Variants in SLC52A1 observed in about 807,000 individuals in gnomAD.
SLC52A1 encodes the protein solute carrier family 52 member 1.
A neutral mutation model predicts 23.2 loss-of-function variants in SLC52A1; 20 were observed. The ratio of observed to expected loss-of-function variants is 0.86; its 90% CI spans 0.61 to 1.25. SLC52A1 has a LOEUF of 1.25. Among genes scored for constraint, SLC52A1 ranks in the 50% most tolerant of loss-of-function variants. The pLI is 0.00. For synonymous variants in SLC52A1, 260 were observed against 256.6 expected, an observed-to-expected ratio of 1.01 and a Z score of -0.13; for missense variants, 528 against 557.0, an observed-to-expected ratio of 0.95 and a Z score of 0.52.
intron 1 of SLC52A1, among the ~76,000 whole-genome samples, chr17:5,041,667 C>T (rs928019392): frequency 6.6e-6 from 1 of 152,022 alleles, no homozygotes; most frequent in East Asian, 1.9e-4. Context: ...TTAGTAAAGA[C>T]AAGATTTTAT....
Position 5,032,946 on chromosome 17 carries a change from C to T in SLC52A1, c.*11G>A, listed in dbSNP as rs1290746710. ...CAGGTGGGGTGGAGTTGGGTCCCCA[C>T]CTGCCCAGGCTCAGGGGCCACAGGG... On this transcript the variant is annotated 3_prime_UTR_variant, in exon 5 of 5. Coordinates refer to ENST00000254853, the MANE Select transcript of SLC52A1 (RefSeq NM_017986.4). 1.2e-6 allele frequency: 2 copies of T among 1,607,504 alleles called. No individual in the cohort carries two copies. The highest frequency in any genetic ancestry group is 1.1e-5 in the South Asian group (1 of 90,990).
At chr17:5,037,826 T>C (rs1324615614), upstream of SLC52A1, among the ~76,000 whole-genome samples, 1 of 152,164 alleles carries the variant, frequency 6.6e-6, no homozygotes, top group African/African-American at 2.4e-5. Context: ...CAAATTGTTG[T>C]TGAATAAATA....
At chr17:5,041,277 C>CTTAT (rs748282923) in intron 1 of SLC52A1, among the ~76,000 whole-genome samples, 60 of 151,830 alleles carry the variant, frequency 4.0e-4, no homozygotes, top group East Asian at 2.7e-3. Flanking sequence ...TTTATTTTTA[C>CTTAT]TTATTTATTT....
chr17:5,035,608 G>C (rs1383583122), upstream of SLC52A1, among the ~76,000 whole-genome samples: 1 of 152,216 alleles, frequency 6.6e-6, no homozygotes, highest in African/African-American at 2.4e-5. Flanking sequence ...AGCGGCTGGC[G>C]GTCTGCCTGA....
Position 5,034,342 on chromosome 17 carries a change from T to A in SLC52A1, c.147A>T (p.Ser49=). 2 of 1,582,686 alleles carry A rather than the reference T, an allele frequency of 1.3e-6. No individual in the cohort carries two copies. Among genetic ancestry groups the A allele is most frequent in the African/African-American group, 2.7e-5 (2 of 73,992 alleles). Residue 49 remains serine, a synonymous_variant, in exon 3 of 5, where the codon TCA becomes TCT. Coordinates refer to ENST00000254853, the MANE Select transcript of SLC52A1 (RefSeq NM_017986.4). ...CCAGCGCCACAACCACAGAGAGGTA[T>A]GAGGGGAGGCTCCAACCTGCAGGGA... ...KDLPEGWSLP[S]YLSVVVALGN... is the part of the protein sequence containing the mutation.
chr17:5,040,339 A>G (rs1975528770), upstream of SLC52A1, among the ~76,000 whole-genome samples: 1 of 151,974 alleles, frequency 6.6e-6, no homozygotes, highest in Non-Finnish European at 1.5e-5. Context: ...ACACCTGGCT[A>G]ATTTTTAAAT....
chr17:5,040,378 T>TA, upstream of SLC52A1, among the ~76,000 whole-genome samples: 1 of 152,124 alleles, frequency 6.6e-6, no homozygotes, highest in Non-Finnish European at 1.5e-5. Flanking sequence ...CTTGCTCTGC[T>TA]GCATAGGCTG....
At chr17:5,036,146 C>T (rs1975451583), upstream of SLC52A1, among the ~76,000 whole-genome samples, 1 of 148,226 alleles carries the variant, frequency 6.7e-6, no homozygotes, top group African/African-American at 2.5e-5. Context: ...ATTCTCCTGC[C>T]TCAGCCTCCC....
At chr17:5,040,766 A>C (rs1975533520) in intron 1 of SLC52A1, among the ~76,000 whole-genome samples, 1 of 151,740 alleles carries the variant, frequency 6.6e-6, no homozygotes, top group African/African-American at 2.4e-5. Context: ...AGTTCACCAT[A>C]AACCTATCAT....
chr17:5,037,896 T>G (rs1688460420), upstream of SLC52A1, among the ~76,000 whole-genome samples: 1 of 131,574 alleles, frequency 7.6e-6, no homozygotes, highest in Admixed American at 8.1e-5. Context: ...TAAAATCTGT[T>G]TCTTTCTTTC....
chr17:5,036,524 G>T (rs1384251626), upstream of SLC52A1, among the ~76,000 whole-genome samples: 5 of 143,416 alleles, frequency 3.5e-5, no homozygotes, highest in Admixed American at 7.6e-5. Context: ...CCATTCTCCT[G>T]CCTCAGACTC....
Position 5,032,737 on chromosome 17 carries a change from C to T in SLC52A1, c.*220G>A. ...GCACAAATCCCACAAAGGTCTCAGG[C>T]CCTGGGTCCAAGCCCACAGCCCCAA... On this transcript the variant is annotated 3_prime_UTR_variant, in exon 5 of 5. Transcript: ENST00000254853. The T allele has an allele frequency of 3.9e-6, 2 of 514,818 alleles. No homozygotes were observed. The highest frequency in any genetic ancestry group is 6.9e-6 in the Non-Finnish European group (2 of 288,796). The allele number at this position is 514,818 out of a possible 1,614,324, so 31.9% of individuals were successfully genotyped here.
upstream of SLC52A1, among the ~76,000 whole-genome samples, chr17:5,037,750 G>C (rs1482469028): frequency 6.6e-6 from 1 of 152,038 alleles, no homozygotes; most frequent in Non-Finnish European, 1.5e-5. Flanking sequence ...TTGCGCGGAG[G>C]AGGCACTTTG....
upstream of SLC52A1, among the ~76,000 whole-genome samples, chr17:5,036,876 G>A (rs1975472484): frequency 6.6e-6 from 1 of 152,080 alleles, no homozygotes; most frequent in Non-Finnish European, 1.5e-5. Flanking sequence ...AGGAAGTGCA[G>A]TAGCACAATC....
At chr17:5,036,988 T>C (rs1242193693), upstream of SLC52A1, among the ~76,000 whole-genome samples, 1 of 152,040 alleles carries the variant, frequency 6.6e-6, no homozygotes, top group Non-Finnish European at 1.5e-5. Context: ...CCAGCTGTTT[T>C]TACATTTTTA....
chr17:5,040,151 C>T (rs946271048), upstream of SLC52A1, among the ~76,000 whole-genome samples: 2 of 151,902 alleles, frequency 1.3e-5, no homozygotes, highest in East Asian at 1.9e-4. Flanking sequence ...TGAGCACTGG[C>T]GGGTCCCTAG....
At chr17:5,040,015 T>C (rs917508032), upstream of SLC52A1, among the ~76,000 whole-genome samples, 2 of 152,118 alleles carry the variant, frequency 1.3e-5, no homozygotes, top group African/African-American at 2.4e-5. Flanking sequence ...CGGTCATTGT[T>C]GGATGTGTGC....
chr17:5,034,618 C>G lies in SLC52A1; in HGVS notation c.-12G>C. On this transcript the variant is annotated 5_prime_UTR_variant, in exon 2 of 5. Transcript: ENST00000254853. ...GTGGGTGCTGCCATTCAGCCCAAAGCTGGACCCTCCAGGACAGGGCAAAGG... is the reference window on the plus strand; with the variant it reads ...GTGGGTGCTGCCATTCAGCCCAAAGGTGGACCCTCCAGGACAGGGCAAAGG... 2 of 1,614,002 alleles carry G rather than the reference C, an allele frequency of 1.2e-6. No individual in the cohort carries two copies. Among genetic ancestry groups the G allele is most frequent in the East Asian group, 4.5e-5 (2 of 44,886 alleles).
Position 5,033,001 on chromosome 17 carries a change from C to G in SLC52A1, c.1303G>C (p.Val435Leu). ...ACACAGTCCTTTCTGCTTTGAAACA[C>G]GTGGTAGATGCTGGTGGGAGGGAAC... ...AMFPPTSIYH[V>L]FQSRKDCVDP... The change falls in exon 5 of 5, where the codon GTG (valine) becomes CTG (leucine). Residue 435 changes from valine (V) to leucine (L), a missense_variant. Coordinates refer to ENST00000254853, the MANE Select transcript of SLC52A1 (RefSeq NM_017986.4). 1 of 1,613,828 alleles carries G rather than the reference C, an allele frequency of 6.2e-7. No individual in the cohort carries two copies. The highest frequency in any genetic ancestry group is 8.5e-7 in the Non-Finnish European group (1 of 1,180,034).
Sources: gnomAD v4.1 joint callset for allele counts (sites outside exome capture counted in the v4.1 genomes callset) on GRCh38, gnomAD v4.1.1 for gene constraint, MANE v1.5 for transcripts, NCBI Gene and HGNC (gene_info 2026-07-23, HGNC 2026-07-21) for gene names.